The following KCNIP4 variants were observed in gnomAD, a reference collection of about 807,000 sequenced individuals.
KCNIP4 encodes potassium voltage-gated channel interacting protein 4.
A neutral mutation model predicts 34.0 loss-of-function variants in KCNIP4; 12 were observed. The observed-to-expected ratio is 0.35, with a 90% CI of 0.23 to 0.57. The LOEUF is 0.57. Among genes scored for constraint, KCNIP4 ranks in the 20% least tolerant of loss-of-function variants. The pLI is 0.83. For missense variants in KCNIP4, 238 were observed against 311.7 expected (o/e 0.76, Z 1.78); for synonymous variants, 124 against 102.2 (o/e 1.21, Z -1.29).
intron 1 of KCNIP4, among the ~76,000 whole-genome samples, chr4:21,034,459 T>C (rs1374530453): frequency 1.3e-5 from 2 of 152,188 alleles, no homozygotes; most frequent in African/African-American, 4.8e-5. Flanking sequence ...AGAGTGAATA[T>C]GATTGGAATG....
intron 1 of KCNIP4, among the ~76,000 whole-genome samples, chr4:21,583,217 G>A (rs961575781): frequency 6.6e-6 from 1 of 151,934 alleles, no homozygotes; most frequent in Non-Finnish European, 1.5e-5. Flanking sequence ...TTCTAATACT[G>A]TACACAGAGT....
Position 21,948,736 on chromosome 4 carries a change from C to T in KCNIP4, c.-105G>A. On this transcript the variant is annotated 5_prime_UTR_variant, in exon 1 of 9. Coordinates refer to ENST00000382152, the MANE Select transcript of KCNIP4 (RefSeq NM_025221.6). ...GCACCGCCGCTCGGCCCGGGGGCGT[C>T]CGTGGCGCTGGGAGCGAGAGCTTCG... The T allele has an allele frequency of 4.7e-6, 6 of 1,269,962 alleles. No homozygotes were observed. The highest frequency in any genetic ancestry group is 6.0e-6 in the Non-Finnish European group (6 of 992,528). The allele number at this position is 1,269,962 out of a possible 1,614,324, so 78.7% of individuals were successfully genotyped here. A position where few individuals can be genotyped will look rare whatever the true frequency, so the allele number is the denominator to read the frequency against.
intron 1 of KCNIP4, among the ~76,000 whole-genome samples, chr4:21,552,255 G>C (rs1484072812): frequency 1.3e-5 from 2 of 152,044 alleles, no homozygotes; most frequent in Non-Finnish European, 2.9e-5. Context: ...AACTCTTTCA[G>C]TTCAACCTAC....
chr4:21,078,642 A>C (rs921319660), intron 1 of KCNIP4, among the ~76,000 whole-genome samples: 13 of 152,220 alleles, frequency 8.5e-5, no homozygotes, highest in South Asian at 2.1e-4. Flanking sequence ...ACCCCATAGC[A>C]TACCCATTGA....
intron 1 of KCNIP4, among the ~76,000 whole-genome samples, chr4:21,010,760 TA>T (rs1267663457): frequency 6.6e-6 from 1 of 152,242 alleles, no homozygotes; most frequent in Non-Finnish European, 1.5e-5. Flanking sequence ...TAAATTAAGG[TA>T]AAAATATTGA....
chr4:21,688,214 AAT>A (rs1472487583), intron 1 of KCNIP4, among the ~76,000 whole-genome samples: 1 of 152,222 alleles, frequency 6.6e-6, no homozygotes, highest in Non-Finnish European at 1.5e-5. Flanking sequence ...CTAATCCAAA[AAT>A]ATGAAATCCA....
intron 1 of KCNIP4, among the ~76,000 whole-genome samples, chr4:21,912,980 G>A (rs866930842): frequency 3.3e-5 from 5 of 151,896 alleles, no homozygotes; most frequent in Middle Eastern, 3.2e-3. Context: ...CAGGAGTGGG[G>A]GCTATTGTGG....
At chr4:21,308,826 C>T (rs757333967) in intron 1 of KCNIP4, among the ~76,000 whole-genome samples, 6 of 152,008 alleles carry the variant, frequency 3.9e-5, no homozygotes, top group South Asian at 4.2e-4. Context: ...TGCATTCTCA[C>T]GTAACTACTG....
chr4:21,192,562 C>T (rs927560586), intron 1 of KCNIP4, among the ~76,000 whole-genome samples: 21 of 151,946 alleles, frequency 1.4e-4, no homozygotes, highest in African/African-American at 4.8e-4. Context: ...CTTATTCAGC[C>T]GTATAATGTC....
chr4:21,557,726 T>A (rs1191856785), intron 1 of KCNIP4, among the ~76,000 whole-genome samples: 2 of 152,102 alleles, frequency 1.3e-5, no homozygotes, highest in Non-Finnish European at 2.9e-5. Flanking sequence ...TCCTAGGCAT[T>A]TGCTTCAATT....
chr4:20,813,414 T>C (rs1420442796), intron 3 of KCNIP4, among the ~76,000 whole-genome samples: 1 of 152,192 alleles, frequency 6.6e-6, no homozygotes, highest in Non-Finnish European at 1.5e-5. Context: ...TTAAATGTTT[T>C]ATGAAGGAGC....
intron 1 of KCNIP4, among the ~76,000 whole-genome samples, chr4:21,578,820 C>T (rs1577630508): frequency 6.6e-6 from 1 of 152,294 alleles, no homozygotes; most frequent in East Asian, 1.9e-4. Context: ...ACATCCCACA[C>T]TGGACTAACT....
chr4:20,865,337 C>A (rs1306000021), intron 2 of KCNIP4, among the ~76,000 whole-genome samples: 3 of 151,738 alleles, frequency 2.0e-5, no homozygotes, highest in South Asian at 2.1e-4. Context: ...TAAGTTCTAA[C>A]CTTATTCTTT....
chr4:21,393,418 A>G (rs1351365990), intron 1 of KCNIP4, among the ~76,000 whole-genome samples: 1 of 152,178 alleles, frequency 6.6e-6, no homozygotes, highest in African/African-American at 2.4e-5. Flanking sequence ...AAAGGATAGA[A>G]CACTGGGCAG....
chr4:20,986,444 T>C (rs917434935), intron 1 of KCNIP4, among the ~76,000 whole-genome samples: 8 of 152,174 alleles, frequency 5.3e-5, no homozygotes, highest in Non-Finnish European at 1.0e-4. Flanking sequence ...AGGTAACCAT[T>C]TTCTGAAATT....
intron 1 of KCNIP4, among the ~76,000 whole-genome samples, chr4:21,224,943 G>A (rs1420571231): frequency 6.6e-6 from 1 of 151,964 alleles, no homozygotes; most frequent in Non-Finnish European, 1.5e-5. Context: ...GTAATGTACA[G>A]TATTCAATAA....
intron 1 of KCNIP4, among the ~76,000 whole-genome samples, chr4:21,855,979 A>AT (rs1560765317): frequency 2.6e-5 from 4 of 152,170 alleles, no homozygotes; most frequent in Admixed American, 1.3e-4. Context: ...TTAAAATGAG[A>AT]GTTTTTACTT....
chr4:21,396,389 C>G (rs926415062), intron 1 of KCNIP4, among the ~76,000 whole-genome samples: 1 of 151,514 alleles, frequency 6.6e-6, no homozygotes, highest in Non-Finnish European at 1.5e-5. Flanking sequence ...AACTCTGTCT[C>G]TACTAAAAAT....
chr4:21,212,875 C>G (rs931351952), intron 1 of KCNIP4, among the ~76,000 whole-genome samples: 1 of 152,118 alleles, frequency 6.6e-6, no homozygotes, highest in African/African-American at 2.4e-5. Flanking sequence ...ACTGCAATAT[C>G]TAAAAATCTT....
Sources: allele counts gnomAD v4.1 joint callset (sites outside exome capture counted in the v4.1 genomes callset), GRCh38; gene constraint gnomAD v4.1.1; transcripts MANE v1.5; gene names NCBI Gene and HGNC (gene_info 2026-07-23, HGNC 2026-07-21).